ATP10A: variants seen among roughly 807,000 people sequenced by gnomAD.
ATP10A encodes the protein phospholipid-transporting ATPase VA.
ATP10A carries 111 observed loss-of-function variants against 147.8 expected under a neutral mutation model. The ratio of observed to expected loss-of-function variants is 0.75; its 90% CI spans 0.64 to 0.88. The LOEUF (loss-of-function observed/expected upper bound fraction) is 0.88, where lower values mean the gene tolerates loss of function less well. ATP10A is among the 40% of genes least tolerant of loss of function. The pLI is 0.00. For missense variants in ATP10A, 1,927 were observed against 1,959.0 expected (o/e 0.98, Z 0.31); for synonymous variants, 875 against 841.6 (o/e 1.04, Z -0.69).
At chr15:25,747,636 A>G (rs972779103) in intron 2 of ATP10A, among the ~76,000 whole-genome samples, 2 of 152,170 alleles carry the variant, frequency 1.3e-5, no homozygotes, top group African/African-American at 4.8e-5. Context: ...AAATTTAAGT[A>G]AAAAGGACAG....
At chr15:25,772,547 G>A (rs1211137494) in intron 2 of ATP10A, among the ~76,000 whole-genome samples, 1 of 152,172 alleles carries the variant, frequency 6.6e-6, no homozygotes, top group Non-Finnish European at 1.5e-5. Flanking sequence ...GGCCGGATGA[G>A]CAAACCAGCT....
intron 1 of ATP10A, among the ~76,000 whole-genome samples, chr15:25,814,051 C>T (rs1402782313): frequency 6.6e-6 from 1 of 151,898 alleles, no homozygotes; most frequent in African/African-American, 2.4e-5. Flanking sequence ...AAACCCCAAG[C>T]ACAGGAAACA....
intron 1 of ATP10A, among the ~76,000 whole-genome samples, chr15:25,827,893 G>T (rs962299000): frequency 6.6e-6 from 1 of 152,100 alleles, no homozygotes; most frequent in Non-Finnish European, 1.5e-5. Context: ...ATCTATATGT[G>T]ATCTGTAAGA....
intron 1 of ATP10A, among the ~76,000 whole-genome samples, chr15:25,860,509 T>G (rs1441412487): frequency 2.0e-5 from 3 of 152,200 alleles, no homozygotes; most frequent in Non-Finnish European, 4.4e-5. Flanking sequence ...GAATTTGACC[T>G]GCCTTCCCAG....
At chr15:25,745,803 A>G (rs1887817262) in intron 2 of ATP10A, among the ~76,000 whole-genome samples, 1 of 152,220 alleles carries the variant, frequency 6.6e-6, no homozygotes, top group African/African-American at 2.4e-5. Context: ...CAGAAAGAGA[A>G]TACAAATCAA....
intron 1 of ATP10A, among the ~76,000 whole-genome samples, chr15:25,835,939 G>A (rs1310329748): frequency 4.6e-5 from 7 of 152,126 alleles, no homozygotes; most frequent in Non-Finnish European, 5.9e-5. Context: ...TCAGCCTCCC[G>A]AGTAGCTGGG....
At chr15:25,774,015 A>T (rs904505047) in intron 2 of ATP10A, among the ~76,000 whole-genome samples, 1 of 151,404 alleles carries the variant, frequency 6.6e-6, no homozygotes, top group African/African-American at 2.4e-5. Context: ...CATTTAGGAA[A>T]ATTGGAAATT....
intron 1 of ATP10A, among the ~76,000 whole-genome samples, chr15:25,800,204 A>G (rs1312631485): frequency 6.6e-6 from 1 of 152,224 alleles, no homozygotes; most frequent in Non-Finnish European, 1.5e-5. Flanking sequence ...CCTGAGGAAG[A>G]AACATTGACA....
At chr15:25,760,735 C>T (rs943355320) in intron 2 of ATP10A, among the ~76,000 whole-genome samples, 5 of 152,130 alleles carry the variant, frequency 3.3e-5, no homozygotes, top group Non-Finnish European at 5.9e-5. Flanking sequence ...AATGTCAGCA[C>T]TTTGGGAGAC....
chr15:25,675,201 G>C (rs1477666513), downstream of ATP10A, among the ~76,000 whole-genome samples: 2 of 152,160 alleles, frequency 1.3e-5, no homozygotes, highest in Non-Finnish European at 2.9e-5. Context: ...TCCCAAGTCT[G>C]AGCCATGTCG....
chr15:25,825,973 A>G (rs1384958135), intron 1 of ATP10A, among the ~76,000 whole-genome samples: 1 of 152,194 alleles, frequency 6.6e-6, no homozygotes, highest in Non-Finnish European at 1.5e-5. Flanking sequence ...GAATATCAAT[A>G]AAGAGATATT....
chr15:25,731,613 A>C (rs6576449), intron 3 of ATP10A, among the ~76,000 whole-genome samples: 146,464 of 152,180 alleles, frequency 0.96, 70,717 homozygotes, highest in East Asian at 1. Flanking sequence ...CCTCTCTGGG[A>C]GATGACATCT....
chr15:25,794,292 G>A (rs1204433923), intron 1 of ATP10A, among the ~76,000 whole-genome samples: 1 of 151,968 alleles, frequency 6.6e-6, no homozygotes, highest in East Asian at 1.9e-4. Context: ...ACCCTGCCCA[G>A]AGGCTGGCTT....
chr15:25,814,639 C>A (rs939251121), intron 1 of ATP10A, among the ~76,000 whole-genome samples: 1 of 152,178 alleles, frequency 6.6e-6, no homozygotes, highest in Non-Finnish European at 1.5e-5. Context: ...CCCTGGAGTC[C>A]CCACAGTCCT....
intron 1 of ATP10A, among the ~76,000 whole-genome samples, chr15:25,829,244 C>G (rs936272650): frequency 6.6e-6 from 1 of 152,130 alleles, no homozygotes; most frequent in Non-Finnish European, 1.5e-5. Context: ...GTTCAAACCT[C>G]TCCATGGCTG....
chr15:25,726,988 C>T (rs1439185647), intron 4 of ATP10A, among the ~76,000 whole-genome samples, 172 bp downstream of exon 4: 4 of 147,432 alleles, frequency 2.7e-5, no homozygotes, highest in East Asian at 4.1e-4. Flanking sequence ...ACCCGGAAGG[C>T]GGAGCTTGCA....
chr15:25,775,112 G>A (rs960513183), intron 2 of ATP10A, among the ~76,000 whole-genome samples: 5 of 151,990 alleles, frequency 3.3e-5, no homozygotes, highest in Non-Finnish European at 4.4e-5. Flanking sequence ...TCAATTCCAC[G>A]GCCAATGTAG....
chr15:25,819,568 T>C (rs761019577), intron 1 of ATP10A, among the ~76,000 whole-genome samples: 1 of 146,004 alleles, frequency 6.8e-6, no homozygotes, highest in Non-Finnish European at 1.5e-5. Context: ...AATCCCACGA[T>C]AGGGTATGTA....
intron 7 of ATP10A, 52 bp from the exon 8 acceptor site, chr15:25,718,451 C>G: frequency 6.6e-7 from 1 of 1,524,574 alleles, no homozygotes. Flanking sequence ...CTGGGCGGAG[C>G]AGAAAGAAAC....
Sources: gnomAD v4.1 joint callset for allele counts (sites outside exome capture counted in the v4.1 genomes callset) on GRCh38, gnomAD v4.1.1 for gene constraint, MANE v1.5 for transcripts, NCBI Gene and HGNC (gene_info 2026-07-23, HGNC 2026-07-21) for gene names.